The following PTPRR variants were observed in gnomAD, a reference collection of about 807,000 sequenced individuals.
PTPRR encodes receptor-type tyrosine-protein phosphatase R.
In PTPRR, 38 loss-of-function variants were observed where a neutral mutation model predicts 77.2. The ratio of observed to expected loss-of-function variants is 0.49; its 90% CI spans 0.38 to 0.65. PTPRR has a LOEUF of 0.65. Ranked by LOEUF, PTPRR falls within the 30% of genes least tolerant of loss-of-function variation. The pLI, the probability that PTPRR is intolerant of heterozygous loss-of-function variation, is 0.00. For missense variants in PTPRR, 744 were observed against 799.2 expected, an observed-to-expected ratio of 0.93 and a Z score of 0.83; for synonymous variants, 299 against 283.1, an observed-to-expected ratio of 1.06 and a Z score of -0.57.
chr12:70,726,004 T>C (rs1445168431), intron 6 of PTPRR, among the ~76,000 whole-genome samples: 3 of 152,168 alleles, frequency 2.0e-5, no homozygotes, highest in African/African-American at 4.8e-5. Flanking sequence ...GTACACATCA[T>C]AGATAGATGA....
At chr12:70,656,298 A>G (rs1886575181) in intron 13 of PTPRR, among the ~76,000 whole-genome samples, 1 of 152,176 alleles carries the variant, frequency 6.6e-6, no homozygotes, top group Admixed American at 6.5e-5. Context: ...GGGAAGCCCA[A>G]GTGGGAGATT....
chr12:70,806,120 T>C (rs1337399657), intron 2 of PTPRR, among the ~76,000 whole-genome samples: 2 of 152,212 alleles, frequency 1.3e-5, no homozygotes, highest in Non-Finnish European at 2.9e-5. Flanking sequence ...ATTACAGATG[T>C]GTCTTCAGGA....
At chr12:70,816,503 A>C (rs913541487) in intron 2 of PTPRR, among the ~76,000 whole-genome samples, 1 of 152,066 alleles carries the variant, frequency 6.6e-6, no homozygotes, top group Admixed American at 6.5e-5. Flanking sequence ...AAACATTCAA[A>C]ATTTATTTAT....
intron 6 of PTPRR, among the ~76,000 whole-genome samples, chr12:70,723,452 G>C (rs1889330500): frequency 2.0e-5 from 3 of 151,930 alleles, no homozygotes; most frequent in Admixed American, 2.0e-4. Context: ...TATGTTAGAG[G>C]TCATAAATTT....
intron 6 of PTPRR, among the ~76,000 whole-genome samples, chr12:70,736,400 A>G (rs2136901780): frequency 6.6e-6 from 1 of 152,246 alleles, no homozygotes; most frequent in South Asian, 2.1e-4. Flanking sequence ...TTTAAAATTG[A>G]TTTCCCACAG....
At chr12:70,781,071 C>G (rs955361405) in intron 2 of PTPRR, among the ~76,000 whole-genome samples, 1 of 152,178 alleles carries the variant, frequency 6.6e-6, no homozygotes, top group African/African-American at 2.4e-5. Context: ...TTTGAAGTCA[C>G]AAATGCAGCA....
chr12:70,748,188 T>C lies in PTPRR; in HGVS notation c.739-2102A>G, dbSNP rs577082757. On this transcript the variant is annotated intron_variant, in intron 5 of 13. Coordinates refer to ENST00000283228, the MANE Select transcript of PTPRR (RefSeq NM_002849.4). ...AAATTTTTGTGGTGTAATCTCCTCA[T>C]TTCACATTTAAGTCCTGAGCTATTG... 4.6e-5 allele frequency among the ~76,000 whole-genome samples: 7 copies of C among 152,292 alleles called. No individual in the cohort carries two copies. The South Asian group carries it at 1.4e-3, about 32-fold the overall frequency.
chr12:70,810,623 T>C (rs996122938), intron 2 of PTPRR, among the ~76,000 whole-genome samples: 2 of 152,142 alleles, frequency 1.3e-5, no homozygotes, highest in African/African-American at 4.8e-5. Context: ...AAACCTTAAG[T>C]TGCCTGGAGG....
intron 2 of PTPRR, among the ~76,000 whole-genome samples, chr12:70,882,791 T>C (rs1488679112): frequency 6.6e-6 from 1 of 152,172 alleles, no homozygotes; most frequent in Non-Finnish European, 1.5e-5. Flanking sequence ...CTGGTTTGAG[T>C]CCCAGTTATA....
intron 10 of PTPRR, among the ~76,000 whole-genome samples, chr12:70,668,236 T>G (rs1252114149): frequency 6.6e-6 from 1 of 150,860 alleles, no homozygotes; most frequent in Non-Finnish European, 1.5e-5. Context: ...GAGAGGAGGA[T>G]AAGGAAGAGG....
At chr12:70,876,474 GAAAT>G (rs1414445217) in intron 2 of PTPRR, among the ~76,000 whole-genome samples, 3 of 152,046 alleles carry the variant, frequency 2.0e-5, no homozygotes, top group Non-Finnish European at 4.4e-5. Flanking sequence ...CTATTTAGAA[GAAAT>G]AATTTGACTT....
intron 13 of PTPRR, among the ~76,000 whole-genome samples, chr12:70,651,960 G>C (rs891741462): frequency 6.6e-6 from 1 of 151,768 alleles, no homozygotes; most frequent in Non-Finnish European, 1.5e-5. Context: ...TATTTTGGGA[G>C]TTAAATAAGT....
At chr12:70,795,007 G>A (rs533415850) in intron 2 of PTPRR, among the ~76,000 whole-genome samples, 2 of 152,162 alleles carry the variant, frequency 1.3e-5, no homozygotes, top group African/African-American at 2.4e-5. Context: ...AGTGATAGTT[G>A]ATGTGTAGAG....
At chr12:70,704,344 G>A (rs1888540110) in intron 6 of PTPRR, among the ~76,000 whole-genome samples, 1 of 152,002 alleles carries the variant, frequency 6.6e-6, no homozygotes, top group African/African-American at 2.4e-5. Context: ...CTTGAGCCCA[G>A]GAGTTCGAGG....
chr12:70,646,901 T>C (rs964069848), intron 13 of PTPRR, among the ~76,000 whole-genome samples: 1 of 152,080 alleles, frequency 6.6e-6, no homozygotes, highest in Non-Finnish European at 1.5e-5. Context: ...TATATTAGCC[T>C]TGGAAATTGA....
At chr12:70,687,882 A>G (rs1487240038) in intron 8 of PTPRR, among the ~76,000 whole-genome samples, 1 of 152,164 alleles carries the variant, frequency 6.6e-6, no homozygotes, top group East Asian at 1.9e-4. Flanking sequence ...TCTTTAAAGC[A>G]TTCTGGAAAT....
intron 2 of PTPRR, among the ~76,000 whole-genome samples, chr12:70,880,397 T>C (rs1592811430): frequency 6.6e-6 from 1 of 152,320 alleles, no homozygotes; most frequent in Middle Eastern, 3.4e-3. Context: ...ACACAGCTTC[T>C]AATTATACCT....
intron 2 of PTPRR, among the ~76,000 whole-genome samples, chr12:70,849,195 G>A (rs1316856451): frequency 6.6e-6 from 1 of 152,050 alleles, no homozygotes; most frequent in Non-Finnish European, 1.5e-5. Context: ...TATTTCCAAA[G>A]GTAGATATTT....
At chr12:70,713,353 G>T (rs541547941) in intron 6 of PTPRR, among the ~76,000 whole-genome samples, 10 of 152,146 alleles carry the variant, frequency 6.6e-5, no homozygotes, top group African/African-American at 2.4e-4. Flanking sequence ...ATTTTGCTAC[G>T]AACATTTGTG....
Sources: allele counts gnomAD v4.1 joint callset (sites outside exome capture counted in the v4.1 genomes callset), GRCh38; gene constraint gnomAD v4.1.1; transcripts MANE v1.5; gene names NCBI Gene and HGNC (gene_info 2026-07-23, HGNC 2026-07-21).